The following CHSY3 variants were observed in gnomAD, a reference collection of about 807,000 sequenced individuals.
CHSY3 encodes the protein N-acetylgalactosaminyl-proteoglycan 3-beta-glucuronosyltransferase 3.
In CHSY3, 35 loss-of-function variants were observed where a neutral mutation model predicts 67.2. The ratio of observed to expected loss-of-function variants is 0.52; its 90% CI spans 0.40 to 0.69. CHSY3 has a LOEUF of 0.69. Among genes scored for constraint, CHSY3 ranks in the 30% least tolerant of loss-of-function variants. The pLI is 0.00. For missense variants in CHSY3, 1,069 were observed against 1,138.5 expected, an observed-to-expected ratio of 0.94 and a Z score of 0.88; for synonymous variants, 474 against 434.7, an observed-to-expected ratio of 1.09 and a Z score of -1.12.
intron 2 of CHSY3, among the ~76,000 whole-genome samples, chr5:129,912,776 G>A (rs558448065): frequency 2.6e-5 from 4 of 152,260 alleles, no homozygotes; most frequent in Admixed American, 2.6e-4. Flanking sequence ...CTTTGGTTGA[G>A]GGTGAGCCTT....
chr5:130,161,120 G>C (rs1182747905), intron 2 of CHSY3, among the ~76,000 whole-genome samples: 10 of 151,674 alleles, frequency 6.6e-5, no homozygotes, highest in Admixed American at 6.6e-4. Context: ...TAGCCAGGAT[G>C]GTCTCGATCT....
rs558275874 is a variant in CHSY3 at position 130,083,637 on chromosome 5, G to C, written c.1087-100592G>C. 3.7e-4 allele frequency among the ~76,000 whole-genome samples: 56 copies of C among 152,074 alleles called. 1 individual carries two copies. The South Asian group carries it at 7.9e-3, about 21-fold the overall frequency. The stretch of plus-strand genomic sequence containing the variant: ...TAGAAATGAATGTTTGAGATAATAA[G>C]GGGTTTAGTTCCTTATGTGCTTTTT... On this transcript the variant is annotated intron_variant, in intron 2 of 2. Coordinates refer to ENST00000305031, the MANE Select transcript of CHSY3 (RefSeq NM_175856.5).
At chr5:130,144,983 C>T (rs190290675) in intron 2 of CHSY3, among the ~76,000 whole-genome samples, 39 of 152,298 alleles carry the variant, frequency 2.6e-4, no homozygotes, top group Admixed American at 2.4e-3. Context: ...CAGCACTTCA[C>T]ATGGCTGGTG....
At chr5:130,078,322 A>T (rs368987454) in intron 2 of CHSY3, among the ~76,000 whole-genome samples, 3 of 152,078 alleles carry the variant, frequency 2.0e-5, no homozygotes, top group East Asian at 3.9e-4. Flanking sequence ...TGATGCTGAG[A>T]TGCTTTTATT....
At position 129,945,789 on chromosome 5, in the gene CHSY3, ATTCTGT is replaced by A. The variant is rs568782690; in HGVS notation, c.1086+37434_1086+37439del. ...TATAAAAATGTTTGTGGGATTTTTG[ATTCTGT>A]TTCTTTTCTTATGAAGGAAAAAAAC... On this transcript the variant is annotated intron_variant, in intron 2 of 2. Transcript: ENST00000305031. Among the ~76,000 whole-genome samples, 5 of 152,254 alleles carry A rather than the reference ATTCTGT, an allele frequency of 3.3e-5. No homozygotes were observed. In the East Asian group the frequency reaches 5.8e-4, roughly 18 times the overall value.
chr5:129,959,398 A>G (rs1044838456), intron 2 of CHSY3, among the ~76,000 whole-genome samples: 11 of 151,992 alleles, frequency 7.2e-5, no homozygotes, highest in Non-Finnish European at 1.3e-4. Context: ...TGTAGTTTGT[A>G]TTTTGATTTA....
intron 2 of CHSY3, among the ~76,000 whole-genome samples, chr5:130,083,956 A>G (rs1261690822): frequency 6.6e-6 from 1 of 151,798 alleles, no homozygotes; most frequent in Admixed American, 6.6e-5. Flanking sequence ...TCCTTCCTCC[A>G]AATAAGAAAT....
At chr5:129,961,836 A>G (rs1461897397) in intron 2 of CHSY3, among the ~76,000 whole-genome samples, 1 of 151,970 alleles carries the variant, frequency 6.6e-6, no homozygotes, top group Non-Finnish European at 1.5e-5. Flanking sequence ...AAAAACTTTC[A>G]ATAACTATTT....
intron 2 of CHSY3, among the ~76,000 whole-genome samples, chr5:129,969,027 T>C (rs1450308651): frequency 6.6e-6 from 1 of 151,850 alleles, no homozygotes; most frequent in African/African-American, 2.4e-5. Context: ...AAAATGCTTA[T>C]GATTAATGGA....
At chr5:129,995,830 T>C (rs1763523123) in intron 2 of CHSY3, among the ~76,000 whole-genome samples, 1 of 152,064 alleles carries the variant, frequency 6.6e-6, no homozygotes, top group South Asian at 2.1e-4. Flanking sequence ...TCTTCTTCCC[T>C]GTGTCTTCTT....
In CHSY3 at chr5:130,068,101, G is replaced by C. The variant is rs971999781; in HGVS notation, c.1087-116128G>C. Among the ~76,000 whole-genome samples, 3 of 152,120 alleles carry C rather than the reference G, an allele frequency of 2.0e-5. No individual in the cohort carries two copies. In the East Asian group the frequency reaches 5.8e-4, roughly 29 times the overall value. On this transcript the variant is annotated intron_variant, in intron 2 of 2. Transcript: ENST00000305031. ...TCTCACCCCTTCTTCAATGTGGCCTGTTTCAATATTGAATTTAATTTCATT... is the reference window on the plus strand; with the variant it reads ...TCTCACCCCTTCTTCAATGTGGCCTCTTTCAATATTGAATTTAATTTCATT...
Position 129,930,509 on chromosome 5 carries a change from G to C in CHSY3, c.1086+22149G>C, listed in dbSNP as rs202144261. ...ATGTTTAAAAGGAGGCATCACTGGC[G>C]GGGGGGGGGTATGAAGTTTTGCCTG... is the stretch of plus-strand genomic sequence containing the variant. On this transcript the variant is annotated intron_variant, in intron 2 of 2. Transcript: ENST00000305031. Among the ~76,000 whole-genome samples the C allele has an allele frequency of 3.5e-3, 234 of 65,938 alleles. 2 individuals are homozygous for C. In the East Asian group the frequency reaches 0.097, roughly 27 times the overall value. The allele number at this position is 65,938 out of a possible 152,430, so 43.3% of individuals were successfully genotyped here. A position where few individuals can be genotyped will look rare whatever the true frequency, so the allele number is the denominator to read the frequency against.
chr5:130,045,977 T>C (rs561106215), intron 2 of CHSY3, among the ~76,000 whole-genome samples: 3 of 152,180 alleles, frequency 2.0e-5, no homozygotes, highest in Admixed American at 6.6e-5. Context: ...GCCTCATTTA[T>C]TGTGGCTTCA....
At chr5:129,981,574 A>C (rs988779196) in intron 2 of CHSY3, among the ~76,000 whole-genome samples, 7 of 152,068 alleles carry the variant, frequency 4.6e-5, no homozygotes, top group African/African-American at 1.7e-4. Flanking sequence ...GCCGGAGTGC[A>C]GAGGTGTGAT....
Position 129,920,239 on chromosome 5 carries a change from T to G in CHSY3, c.1086+11879T>G, listed in dbSNP as rs143614645. On this transcript the variant is annotated intron_variant, in intron 2 of 2. Coordinates refer to ENST00000305031, the MANE Select transcript of CHSY3 (RefSeq NM_175856.5). The stretch of plus-strand genomic sequence containing the variant: ...AATCCACAAGGAATAGGTTTCTTTT[T>G]TTGTTTGTTTGCTTTTTGTTTTGAG... Among the ~76,000 whole-genome samples, 287 of 152,242 alleles carry G rather than the reference T, an allele frequency of 1.9e-3. 1 individual carries two copies. Among genetic ancestry groups the G allele is most frequent in the African/African-American group, 5.8e-3 (239 of 41,556 alleles).
chr5:129,960,340 C>T (rs1762295169), intron 2 of CHSY3, among the ~76,000 whole-genome samples: 1 of 151,906 alleles, frequency 6.6e-6, no homozygotes, highest in African/African-American at 2.4e-5. Flanking sequence ...ACAATGTCTC[C>T]AAAATATTTA....
intron 2 of CHSY3, among the ~76,000 whole-genome samples, chr5:130,132,866 A>G (rs7341165): frequency 0.2 from 29,999 of 152,084 alleles, 3,732 homozygotes; most frequent in African/African-American, 0.33. Context: ...CACCCCAAAC[A>G]TCAATAGTAC....
At chr5:130,089,238 G>C (rs1173293958) in intron 2 of CHSY3, among the ~76,000 whole-genome samples, 34 of 110,442 alleles carry the variant, frequency 3.1e-4, no homozygotes, top group Non-Finnish European at 5.7e-4. Flanking sequence ...GGGGGGTGGG[G>C]GGAGGGATAG....
chr5:130,077,168 A>G (rs1006904613), intron 2 of CHSY3, among the ~76,000 whole-genome samples: 1 of 152,088 alleles, frequency 6.6e-6, no homozygotes, highest in Non-Finnish European at 1.5e-5. Context: ...GAGAGTGACA[A>G]GTATAGTTGG....
Sources: gnomAD v4.1 joint callset for allele counts (sites outside exome capture counted in the v4.1 genomes callset) on GRCh38, gnomAD v4.1.1 for gene constraint, MANE v1.5 for transcripts, NCBI Gene and HGNC (gene_info 2026-07-23, HGNC 2026-07-21) for gene names.